CCDC39: variants seen among roughly 807,000 people sequenced by gnomAD.
The protein encoded by CCDC39 is coiled-coil domain-containing protein 39.
In CCDC39, 113 loss-of-function variants were observed where a neutral mutation model predicts 121.0. The ratio of observed to expected loss-of-function variants is 0.93; its 90% CI spans 0.80 to 1.09. The LOEUF is 1.09. CCDC39 is among the 50% of genes least tolerant of loss of function. The pLI, the probability that CCDC39 is intolerant of heterozygous loss-of-function variation, is 0.00. For synonymous variants in CCDC39, 349 were observed against 352.2 expected, an observed-to-expected ratio of 0.99 and a Z score of 0.10; for missense variants, 1,063 against 1,074.7, an observed-to-expected ratio of 0.99 and a Z score of 0.15.
At chr3:180,653,394 A>C (rs1170495594) in intron 7 of CCDC39, among the ~76,000 whole-genome samples, 1 of 152,202 alleles carries the variant, frequency 6.6e-6, no homozygotes, top group Non-Finnish European at 1.5e-5. Flanking sequence ...TTTACCTTTA[A>C]AAACTTTTGC....
chr3:180,618,638 A>G (rs2108405839), intron 16 of CCDC39, among the ~76,000 whole-genome samples: 1 of 152,174 alleles, frequency 6.6e-6, no homozygotes, highest in Non-Finnish European at 1.5e-5. Flanking sequence ...ATTCCCACCT[A>G]CGAGTGAGAA....
chr3:180,655,625 A>G (rs1212337568), intron 6 of CCDC39, among the ~76,000 whole-genome samples: 3 of 152,082 alleles, frequency 2.0e-5, no homozygotes, highest in Non-Finnish European at 4.4e-5. Context: ...ACAAACATGA[A>G]TGGGGTTGCA....
rs200225521 is a variant in CCDC39 at position 180,679,313 on chromosome 3, T to G, written c.68A>C (p.Glu23Ala). ...DGFAIPVANE[E>A]NKLLEDQLSK... ...CACCTGATCTTCCAGTAGCTTGTTC[T>G]CCTCGTTCGCCACCGGGATGGCGAA... The change falls in exon 1 of 20, where the codon GAG becomes GCG. Residue 23 changes from glutamate to alanine, a missense_variant. Glu to Ala is a moderately radical substitution (Grantham distance 107). Transcript: ENST00000476379. The surrounding 1 kb of genome is among the most constrained non-coding windows in gnomAD (Gnocchi z 4.0). 391 of 1,613,892 alleles carry G rather than the reference T, an allele frequency of 2.4e-4. 2 individuals are homozygous for G. Among genetic ancestry groups the G allele is most frequent in the Middle Eastern group, 1.8e-3 (11 of 6,060 alleles).
intron 18 of CCDC39, 25 bp downstream of exon 18, chr3:180,616,489 AAT>A: frequency 6.6e-7 from 1 of 1,509,692 alleles, no homozygotes; most frequent in East Asian, 2.3e-5. Context: ...GTTTTTAAGA[AAT>A]ATTTAATAGA....
At chr3:180,620,883 T>G (rs760032248) in intron 14 of CCDC39, among the ~76,000 whole-genome samples, 9 of 152,080 alleles carry the variant, frequency 5.9e-5, no homozygotes, top group Non-Finnish European at 1.2e-4. Context: ...ATTGTACCCA[T>G]TAAGTAATTT....
intron 13 of CCDC39, among the ~76,000 whole-genome samples, chr3:180,635,073 T>C (rs964728307): frequency 6.6e-6 from 1 of 152,154 alleles, no homozygotes; most frequent in African/African-American, 2.4e-5. Flanking sequence ...TGGAAACATA[T>C]AATCATGAAT....
rs755764794 is a variant in CCDC39 at position 180,616,656 on chromosome 3, T to G, written c.2446A>C (p.Thr816Pro). The stretch of plus-strand genomic sequence containing the variant: ...TGTTCTTCCATTGTTTCATCTTTTG[T>G]GTCTTTCAAAAGACGGATTTCCTTT... ...LTKEIRLLKDTKDETMEEQDI... is the reference protein window; with the variant it reads ...LTKEIRLLKDPKDETMEEQDI... The change falls in exon 18 of 20, where the codon ACA becomes CCA. Residue 816 changes from threonine to proline, a missense_variant. By Grantham distance (38) the Thr-to-Pro change is conservative (BLOSUM62 -1). Transcript: ENST00000476379. The G allele has an allele frequency of 7.2e-5, 114 of 1,593,150 alleles. No homozygotes were observed. Among genetic ancestry groups the G allele is most frequent in the Non-Finnish European group, 9.3e-5 (109 of 1,168,142 alleles).
At chr3:180,665,202 G>A (rs1309975333) in intron 1 of CCDC39, among the ~76,000 whole-genome samples, 1 of 152,162 alleles carries the variant, frequency 6.6e-6, no homozygotes, top group Non-Finnish European at 1.5e-5. Context: ...AGAAACTGTT[G>A]CTTAATGTAT....
chr3:180,631,666 T>G, intron 13 of CCDC39, 74 bp from the exon 14 acceptor site: 1 of 1,263,064 alleles, frequency 7.9e-7, no homozygotes, highest in Non-Finnish European at 1.1e-6. Flanking sequence ...AGTGTTCTTA[T>G]TGAAGACATT....
intron 3 of CCDC39, among the ~76,000 whole-genome samples, 188 bp downstream of exon 3, chr3:180,661,673 G>T (rs1264981507): frequency 6.6e-6 from 1 of 151,936 alleles, no homozygotes; most frequent in African/African-American, 2.4e-5. Flanking sequence ...ATGGGAAAAT[G>T]TACTATTCTA....
intron 12 of CCDC39, among the ~76,000 whole-genome samples, chr3:180,643,679 T>C (rs1052129857): frequency 2.0e-5 from 3 of 152,172 alleles, no homozygotes; most frequent in African/African-American, 7.2e-5. Flanking sequence ...TGAATCATAA[T>C]TATATAGCTA....
intron 1 of CCDC39, among the ~76,000 whole-genome samples, chr3:180,665,068 C>T (rs1170972243): frequency 1.3e-5 from 2 of 152,048 alleles, no homozygotes; most frequent in African/African-American, 4.8e-5. Context: ...AAAAACAGAG[C>T]AGGAACCATA....
At chr3:180,661,239 T>C (rs1711734884) in intron 3 of CCDC39, among the ~76,000 whole-genome samples, 1 of 152,014 alleles carries the variant, frequency 6.6e-6, no homozygotes, top group African/African-American at 2.4e-5. Flanking sequence ...CATTTATGTA[T>C]ATTTAGTCAC....
intron 8 of CCDC39, 102 bp from the exon 9 acceptor site, chr3:180,651,635 G>T (rs534383971): frequency 6.1e-5 from 69 of 1,122,446 alleles, no homozygotes; most frequent in Non-Finnish European, 7.8e-5. Context: ...AACTTGAAGG[G>T]GTTTTTTGCG....
At chr3:180,624,328 A>G (rs1717503478) in intron 14 of CCDC39, among the ~76,000 whole-genome samples, 2 of 152,134 alleles carry the variant, frequency 1.3e-5, no homozygotes, top group South Asian at 4.1e-4. Context: ...AGTTTCATAT[A>G]AGCAGCATAT....
intron 1 of CCDC39, among the ~76,000 whole-genome samples, chr3:180,666,254 A>G (rs906400729): frequency 6.6e-6 from 1 of 152,180 alleles, no homozygotes; most frequent in Non-Finnish European, 1.5e-5. Context: ...TTCACTTAGC[A>G]TAATGCTTTC....
At chr3:180,622,068 T>C (rs1432066983) in intron 14 of CCDC39, among the ~76,000 whole-genome samples, 1 of 152,160 alleles carries the variant, frequency 6.6e-6, no homozygotes, top group Non-Finnish European at 1.5e-5. Context: ...GTAATGTTTT[T>C]ACCTTTGTGT....
At chr3:180,677,419 A>C (rs959208305) in intron 1 of CCDC39, among the ~76,000 whole-genome samples, 2 of 151,360 alleles carry the variant, frequency 1.3e-5, no homozygotes, top group African/African-American at 4.8e-5. Flanking sequence ...TGCAAATAAA[A>C]CTTGATAATA....
intron 13 of CCDC39, among the ~76,000 whole-genome samples, chr3:180,639,862 G>A (rs147783988): frequency 6.6e-6 from 1 of 151,846 alleles, no homozygotes; most frequent in Non-Finnish European, 1.5e-5. Flanking sequence ...CTAGCTCTTA[G>A]AGAAAAAGTG....
Sources: gnomAD v4.1 joint callset for allele counts (sites outside exome capture counted in the v4.1 genomes callset) on GRCh38, gnomAD v4.1.1 for gene constraint, Gnocchi (gnomAD v3.1) non-coding constraint, MANE v1.5 for transcripts, NCBI Gene and HGNC (gene_info 2026-07-23, HGNC 2026-07-21) for gene names.